Variants in CHP1 observed in about 807,000 individuals in gnomAD.
CHP1 encodes calcineurin like EF-hand protein 1.
CHP1 carries 11 observed loss-of-function variants against 27.4 expected under a neutral mutation model. The observed-to-expected ratio is 0.40, with a 90% CI of 0.25 to 0.67. CHP1 has a LOEUF of 0.67. Among genes scored for constraint, CHP1 ranks in the 30% least tolerant of loss-of-function variants. The pLI is 0.38. For synonymous variants in CHP1, 89 were observed against 87.4 expected (o/e 1.02, Z -0.10); for missense variants, 169 against 251.3 (o/e 0.67, Z 2.22).
chr15:41,239,227 T>C (rs1334749016), intron 1 of CHP1, among the ~76,000 whole-genome samples: 1 of 152,166 alleles, frequency 6.6e-6, no homozygotes, highest in Non-Finnish European at 1.5e-5. Context: ...GAGATAAGTT[T>C]AGATATGACC....
chr15:41,259,041 T>G (rs1173586259), intron 3 of CHP1, among the ~76,000 whole-genome samples: 1 of 152,182 alleles, frequency 6.6e-6, no homozygotes, highest in Admixed American at 6.5e-5. Context: ...ATGCCCTCTT[T>G]CATTTTTTCC....
intron 2 of CHP1, among the ~76,000 whole-genome samples, chr15:41,254,337 T>G (rs528181451): frequency 1.3e-5 from 2 of 152,332 alleles, no homozygotes; most frequent in South Asian, 4.1e-4. Flanking sequence ...TTAAGCTTGT[T>G]AGACATTAAA....
intron 3 of CHP1, among the ~76,000 whole-genome samples, chr15:41,262,214 C>CT (rs1396586106): frequency 9.2e-5 from 14 of 151,830 alleles, no homozygotes; most frequent in Admixed American, 3.3e-4. Context: ...GAGCAAGACT[C>CT]TGTCTCAAAA....
chr15:41,273,678 T>C (rs1386277873), intron 5 of CHP1, among the ~76,000 whole-genome samples: 3 of 150,710 alleles, frequency 2.0e-5, no homozygotes, highest in Non-Finnish European at 2.9e-5. Context: ...TCACCATCCA[T>C]TCATGATTTA....
In CHP1 at chr15:41,249,695, A is replaced by G. The variant is rs183437855; in HGVS notation, c.140+5956A>G. Among the ~76,000 whole-genome samples the G allele has an allele frequency of 3.4e-4, 52 of 151,146 alleles. No homozygotes were observed. The East Asian group carries it at 9.6e-3, about 28-fold the overall frequency. On this transcript the variant is annotated intron_variant, in intron 2 of 6. Coordinates refer to ENST00000334660, the MANE Select transcript of CHP1 (RefSeq NM_007236.5). ...CACTGTGTTAGCCAGGATGGTTTTG[A>G]TCTCCTGACCTTGTGATCCACCTGC...
At chr15:41,252,510 T>G (rs1302998174) in intron 2 of CHP1, among the ~76,000 whole-genome samples, 1 of 152,138 alleles carries the variant, frequency 6.6e-6, no homozygotes, top group African/African-American at 2.4e-5. Flanking sequence ...CCAGTGGGTA[T>G]GTCCTATTAA....
rs2047544259 is a variant in CHP1 at position 41,281,227 on chromosome 15, A to T, written c.*1838A>T. On this transcript the variant is annotated 3_prime_UTR_variant, in exon 7 of 7. Coordinates refer to ENST00000334660, the MANE Select transcript of CHP1 (RefSeq NM_007236.5). ...GGAAGCCATAGTCTGCTCCTAATAC[A>T]TGTCCAAAGCATTGACTGTTGTGTC... The T allele has an allele frequency of 6.6e-6, 1 of 152,232 alleles. No homozygotes were observed. Among genetic ancestry groups the T allele is most frequent in the Admixed American group, 6.5e-5 (1 of 15,270 alleles). 9.4% of individuals were successfully genotyped at this position (152,232 alleles called of 1,614,324 possible).
At chr15:41,264,698 G>T (rs2047451657) in intron 4 of CHP1, among the ~76,000 whole-genome samples, 1 of 152,098 alleles carries the variant, frequency 6.6e-6, no homozygotes, top group South Asian at 2.1e-4. Context: ...TCCCACCTTG[G>T]CCTCCCAAAG....
intron 1 of CHP1, 122 bp from the exon 2 acceptor site, chr15:41,243,545 C>G (rs2047317747): frequency 6.1e-6 from 4 of 656,808 alleles, no homozygotes; most frequent in Admixed American, 2.8e-5. Context: ...CTTTAACATT[C>G]TAGAGATAAG....
chr15:41,279,267 C>T, intron 6 of CHP1, 69 bp from the exon 7 acceptor site: 2 of 1,216,982 alleles, frequency 1.6e-6, no homozygotes, highest in Non-Finnish European at 1.2e-6. Context: ...GAAAACATTA[C>T]TCAGATAAGA....
intron 2 of CHP1, among the ~76,000 whole-genome samples, chr15:41,245,334 G>A (rs1048392352): frequency 1.3e-5 from 2 of 150,490 alleles, no homozygotes; most frequent in African/African-American, 5.0e-5. Context: ...GGTGGTGGGC[G>A]CCTGTGCGTG....
intron 3 of CHP1, among the ~76,000 whole-genome samples, chr15:41,260,030 A>G (rs2047424497): frequency 6.6e-6 from 1 of 152,142 alleles, no homozygotes; most frequent in Non-Finnish European, 1.5e-5. Context: ...GCACCCAGCC[A>G]AGGTCATTCT....
intron 2 of CHP1, among the ~76,000 whole-genome samples, chr15:41,245,379 G>A (rs1035644392): frequency 4.6e-5 from 7 of 152,226 alleles, no homozygotes; most frequent in Admixed American, 2.6e-4. Context: ...TACTCAGGAG[G>A]CTGAGGCAGG....
At chr15:41,265,363 CAAAAAAAAAAAAAAAAAAAAAA>C (rs544658200) in intron 4 of CHP1, among the ~76,000 whole-genome samples, 1 of 36,880 alleles carries the variant, frequency 2.7e-5, no homozygotes, top group Non-Finnish European at 4.8e-5. Flanking sequence ...GACTCTGTCT[CAAAAAAAAAAAAAAAAAAAAAA>C]AAAAAAAAAA....
chr15:41,256,805 C>T, intron 2 of CHP1, 105 bp from the exon 3 acceptor site: 1 of 867,480 alleles, frequency 1.2e-6, no homozygotes, highest in Admixed American at 1.9e-5. Context: ...AAGTAAATTC[C>T]AGGAGGTAAT....
intron 2 of CHP1, among the ~76,000 whole-genome samples, chr15:41,255,252 A>G (rs1192012198): frequency 6.6e-6 from 1 of 152,158 alleles, no homozygotes; most frequent in Non-Finnish European, 1.5e-5. Flanking sequence ...ATCTGGAACA[A>G]TCCTCTGCTT....
At chr15:41,260,222 A>G (rs2140935610) in intron 3 of CHP1, among the ~76,000 whole-genome samples, 1 of 151,922 alleles carries the variant, frequency 6.6e-6, no homozygotes. Context: ...CCTTAGATAA[A>G]TAAATTATAT....
Position 41,231,433 on chromosome 15 carries a change from C to G in CHP1, c.51C>G (p.Ile17Met), listed in dbSNP as rs1240576513. The stretch of plus-strand genomic sequence containing the variant: ...TGCGGGACGAAGAGCTCGAGGAGAT[C>G]AAGAAGGAGACCGGCTGTGAGTTCG... ...TLLRDEELEEIKKETGFSHSQ... is the reference protein window; with the variant it reads ...TLLRDEELEEMKKETGFSHSQ... Residue 17 changes from isoleucine (I) to methionine (M), a missense_variant, in exon 1 of 7, where the codon ATC (isoleucine) becomes ATG (methionine). Coordinates refer to ENST00000334660, the MANE Select transcript of CHP1 (RefSeq NM_007236.5). 6.2e-7 allele frequency: 1 copy of G among 1,603,716 alleles called. No homozygotes were observed. The highest frequency in any genetic ancestry group is 1.1e-5 in the South Asian group (1 of 88,912).
rs577096135 is a variant in CHP1, at chr15:41,272,628, C to T, written c.411+2010C>T. Among the ~76,000 whole-genome samples, 205 of 152,118 alleles carry T rather than the reference C, an allele frequency of 1.3e-3. 1 individual carries two copies. The highest frequency in any genetic ancestry group is 4.7e-3 in the African/African-American group (197 of 41,510). On this transcript the variant is annotated intron_variant, in intron 5 of 6. Coordinates refer to ENST00000334660, the MANE Select transcript of CHP1 (RefSeq NM_007236.5). ...TAGAGATGGGGTTTCGCCATGTTGA[C>T]CAGGCTGGTCTCGAACTCTTGGGCT...
Sources: gnomAD v4.1 joint callset for allele counts (sites outside exome capture counted in the v4.1 genomes callset) on GRCh38, gnomAD v4.1.1 for gene constraint, MANE v1.5 for transcripts, NCBI Gene and HGNC (gene_info 2026-07-23, HGNC 2026-07-21) for gene names.